OPA3: variants seen among roughly 807,000 people sequenced by gnomAD.
OPA3 encodes optic atrophy 3 protein.
In OPA3, 6 loss-of-function variants were observed where a neutral mutation model predicts 4.0. That is an observed-to-expected ratio of 1.51 (90% CI 0.83 to 2.99). OPA3 has a LOEUF of 2.99. Ranked by LOEUF, OPA3 falls within the 30% of genes most tolerant of loss-of-function variation. OPA3 has a pLI of 0.00. For missense variants in OPA3, 235 were observed against 256.2 expected (o/e 0.92, Z 0.56); for synonymous variants, 105 against 117.1 (o/e 0.90, Z 0.67).
At chr19:45,560,639 C>T (rs1483920454) in intron 1 of OPA3, among the ~76,000 whole-genome samples, 1 of 152,168 alleles carries the variant, frequency 6.6e-6, no homozygotes, top group Non-Finnish European at 1.5e-5. Context: ...TAGACCCTTT[C>T]CTCGGCCTCA....
At chr19:45,577,589 G>T (rs1230493771) in intron 1 of OPA3, among the ~76,000 whole-genome samples, 3 of 152,106 alleles carry the variant, frequency 2.0e-5, no homozygotes, top group African/African-American at 7.2e-5. Flanking sequence ...CCCAATCCAT[G>T]GGAAATCCTG....
intron 1 of OPA3, among the ~76,000 whole-genome samples, chr19:45,578,732 C>T (rs1969804427): frequency 6.6e-6 from 1 of 152,164 alleles, no homozygotes; most frequent in African/African-American, 2.4e-5. Flanking sequence ...GAGGCTGAGG[C>T]AGGAGAATCA....
exon 2 of OPA3, chr19:45,529,083 G>C (rs761195604): frequency 1.2e-6 from 2 of 1,600,516 alleles, no homozygotes; most frequent in African/African-American, 2.7e-5. Context: ...GCGCAACTGG[G>C]GGTGCAGGCG....
chr19:45,553,412 C>T lies in OPA3; in HGVS notation c.*102G>A, dbSNP rs1015110204. 2.3e-5 allele frequency: 37 copies of T among 1,596,736 alleles called. No homozygotes were observed. The highest frequency in any genetic ancestry group is 3.1e-5 in the Non-Finnish European group (37 of 1,178,176). ...CCAAATGCCAAGTTGCATCAAGATCCTGGTGGTTTCCACTGGGCCAGCGCA... is the reference window on the plus strand; with the variant it reads ...CCAAATGCCAAGTTGCATCAAGATCTTGGTGGTTTCCACTGGGCCAGCGCA... On this transcript the variant is annotated 3_prime_UTR_variant, in exon 2 of 2. Coordinates refer to ENST00000263275, the MANE Select transcript of OPA3 (RefSeq NM_025136.4).
At chr19:45,580,849 C>T (rs574177929) in intron 1 of OPA3, among the ~76,000 whole-genome samples, 2 of 152,102 alleles carry the variant, frequency 1.3e-5, no homozygotes, top group East Asian at 1.9e-4. Context: ...AACTCCTGAC[C>T]TCATGATCCA....
downstream of OPA3, among the ~76,000 whole-genome samples, chr19:45,544,063 C>A (rs954122939): frequency 2.0e-5 from 3 of 152,164 alleles, no homozygotes; most frequent in African/African-American, 7.2e-5. Flanking sequence ...AATAAACTTA[C>A]AAAGGAAGTT....
intron 1 of OPA3, among the ~76,000 whole-genome samples, chr19:45,556,833 T>A (rs1380991875): frequency 2.0e-5 from 3 of 152,332 alleles, no homozygotes; most frequent in African/African-American, 7.2e-5. Flanking sequence ...GCTTGTGGGT[T>A]CCTGGGGTCC....
chr19:45,557,439 T>C (rs1969438422), intron 1 of OPA3, among the ~76,000 whole-genome samples: 1 of 152,068 alleles, frequency 6.6e-6, no homozygotes, highest in African/African-American at 2.4e-5. Flanking sequence ...CGGGACAGGC[T>C]AAGCTGGAGG....
At position 45,553,980 on chromosome 19, in the gene OPA3, G is replaced by A. The variant is rs1024486879; in HGVS notation, c.143-69C>T. ...TGCAAGCCCCACCCCTCTCACCCAG[G>A]GAATGCAGTCACCTAGCCTGGGTAA... On this transcript the variant is annotated intron_variant, in intron 1 of 1. Transcript: ENST00000263275. 7 of 1,337,326 alleles carry A rather than the reference G, an allele frequency of 5.2e-6. No individual in the cohort carries two copies. In the Admixed American group the frequency reaches 1.3e-4, roughly 24 times the overall value. 82.8% of individuals were successfully genotyped at this position (1,337,326 alleles called of 1,614,324 possible). A position where few individuals can be genotyped will look rare whatever the true frequency, so the allele number is the denominator to read the frequency against.
intron 1 of OPA3, among the ~76,000 whole-genome samples, chr19:45,539,396 A>C (rs1289577633): frequency 6.6e-6 from 1 of 152,164 alleles, no homozygotes; most frequent in Non-Finnish European, 1.5e-5. Context: ...GTTCAAGACC[A>C]ACCTGGGCAA....
At chr19:45,556,439 C>T (rs1969422594) in intron 1 of OPA3, among the ~76,000 whole-genome samples, 1 of 152,122 alleles carries the variant, frequency 6.6e-6, no homozygotes. Context: ...TCACTGCAAC[C>T]TCGAACACCT....
chr19:45,537,830 C>G (rs932485051), intron 1 of OPA3, among the ~76,000 whole-genome samples: 2 of 152,004 alleles, frequency 1.3e-5, no homozygotes, highest in Admixed American at 1.3e-4. Context: ...AAAACCAAAG[C>G]AAAGAGGACA....
chr19:45,538,467 C>T (rs1410551965), intron 1 of OPA3, among the ~76,000 whole-genome samples: 1 of 152,114 alleles, frequency 6.6e-6, no homozygotes, highest in African/African-American at 2.4e-5. Flanking sequence ...CACTTGTAAT[C>T]CCAGCATTTG....
chr19:45,537,414 A>C (rs1249181987), intron 1 of OPA3, among the ~76,000 whole-genome samples: 4 of 150,800 alleles, frequency 2.7e-5, no homozygotes, highest in Non-Finnish European at 4.4e-5. Flanking sequence ...AAAAAAAAAA[A>C]AAAAAAAACA....
chr19:45,535,720 T>C (rs1969108001), intron 1 of OPA3, among the ~76,000 whole-genome samples: 1 of 151,648 alleles, frequency 6.6e-6, no homozygotes, highest in African/African-American at 2.4e-5. Context: ...ATTGTACATA[T>C]ACACTTTAAT....
At position 45,550,582 on chromosome 19, in the gene OPA3, G is replaced by A. The variant is rs1599959939; in HGVS notation, c.*2932C>T. The A allele has an allele frequency of 1.0e-6, 1 of 986,164 alleles. No individual in the cohort carries two copies. 61.1% of individuals were successfully genotyped at this position (986,164 alleles called of 1,614,324 possible). On this transcript the variant is annotated 3_prime_UTR_variant, in exon 2 of 2. Transcript: ENST00000263275. ...CCCTACTACTTCACCACCCTGGGCA[G>A]TCAGCCCCTCACTGGCTGTGGCATC... is the stretch of plus-strand genomic sequence containing the variant.
chr19:45,557,155 C>T (rs1266768018), intron 1 of OPA3, among the ~76,000 whole-genome samples: 1 of 152,186 alleles, frequency 6.6e-6, no homozygotes, highest in Non-Finnish European at 1.5e-5. Context: ...GCAAGTGTCT[C>T]AGTGCAGACC....
rs1008467625 is a variant in OPA3 at position 45,549,299 on chromosome 19, C to T, written c.*4215G>A. On this transcript the variant is annotated 3_prime_UTR_variant, in exon 2 of 2. Coordinates refer to ENST00000263275, the MANE Select transcript of OPA3 (RefSeq NM_025136.4). ...TTCTTTCCACTTCCACACACTCTGG[C>T]CACCCCTGACGCCGCAGTGGGGGAA... 2.4e-5 allele frequency: 24 copies of T among 985,280 alleles called. No individual in the cohort carries two copies. The highest frequency in any genetic ancestry group is 2.9e-5 in the Non-Finnish European group (24 of 829,962). The allele number at this position is 985,280 out of a possible 1,614,324, so 61.0% of individuals were successfully genotyped here. A position where few individuals can be genotyped will look rare whatever the true frequency, so the allele number is the denominator to read the frequency against.
At chr19:45,572,850 T>TA (rs199517159) in intron 1 of OPA3, among the ~76,000 whole-genome samples, 33 of 144,060 alleles carry the variant, frequency 2.3e-4, no homozygotes, top group East Asian at 1.2e-3. Flanking sequence ...TCTATATATA[T>TA]TTTTTTTTTA....
Sources: gnomAD v4.1 joint callset for allele counts (sites outside exome capture counted in the v4.1 genomes callset) on GRCh38, gnomAD v4.1.1 for gene constraint, MANE v1.5 for transcripts, NCBI Gene and HGNC (gene_info 2026-07-23, HGNC 2026-07-21) for gene names.